Variants in FOLR2 observed in about 807,000 individuals in gnomAD.
The protein encoded by FOLR2 is folate receptor 2 (fetal).
FOLR2 carries 14 observed loss-of-function variants against 20.4 expected under a neutral mutation model. That is an observed-to-expected ratio of 0.68 (90% CI 0.45 to 1.07). FOLR2 has a LOEUF of 1.07. FOLR2 is among the 50% of genes least tolerant of loss of function. The probability of loss-of-function intolerance (pLI) is 0.00; values close to 1 mark genes in which losing one functional copy is unlikely to be tolerated. For synonymous variants in FOLR2, 114 were observed against 114.3 expected (o/e 1.00, Z 0.02); for missense variants, 269 against 322.6 (o/e 0.83, Z 1.27).
In FOLR2 at chr11:72,221,671, C is replaced by T. The variant is rs1203798584; in HGVS notation, c.677C>T (p.Ala226Val). 1 of 1,614,192 alleles carries T rather than the reference C, an allele frequency of 6.2e-7. No homozygotes were observed. Among genetic ancestry groups the T allele is most frequent in the Non-Finnish European group, 8.5e-7 (1 of 1,180,028 alleles). Residue 226 changes from alanine (A) to valine (V), a missense_variant, in exon 5 of 5, where the codon GCC becomes GTC. By Grantham distance (64) the Ala-to-Val change is moderately conservative. Coordinates refer to ENST00000298223, the MANE Select transcript of FOLR2 (RefSeq NM_000803.5). ...GAAGTGGCGAGGTTCTATGCTGCAGCCATGCATGTGAATGCTGGTGAGATG... is the reference window on the plus strand; with the variant it reads ...GAAGTGGCGAGGTTCTATGCTGCAGTCATGCATGTGAATGCTGGTGAGATG... ...NEEVARFYAAAMHVNAGEMLH... is the reference protein window; with the variant it reads ...NEEVARFYAAVMHVNAGEMLH...
chr11:72,219,378 A>G (rs1948446598), intron 2 of FOLR2, among the ~76,000 whole-genome samples: 1 of 152,132 alleles, frequency 6.6e-6, no homozygotes, highest in South Asian at 2.1e-4. Context: ...TCTCTTTTCT[A>G]TCCTGCAATG....
chr11:72,221,079 C>T, intron 3 of FOLR2, 21 bp downstream of exon 3: 1 of 1,116,422 alleles, frequency 9.0e-7, no homozygotes, highest in Non-Finnish European at 1.2e-6. Flanking sequence ...TCCCCCCCAC[C>T]CACCCCAGCA....
Position 72,221,618 on chromosome 11 carries a change from T to A in FOLR2, c.624T>A (p.Phe208Leu), listed in dbSNP as rs752408720. ...RGSGRCIQMW[F>L]DSAQGNPNEE... ...GCGGCCGCTGCATCCAGATGTGGTT[T>A]GATTCAGCCCAGGGCAACCCCAACG... is the stretch of plus-strand genomic sequence containing the variant. The change falls in exon 5 of 5, where the codon TTT (phenylalanine) becomes TTA (leucine). Residue 208 changes from phenylalanine (F) to leucine (L), a missense_variant. Phe to Leu is a conservative substitution (Grantham distance 22). Transcript: ENST00000298223. 1 of 1,614,188 alleles carries A rather than the reference T, an allele frequency of 6.2e-7. No individual in the cohort carries two copies. Among genetic ancestry groups the A allele is most frequent in the Non-Finnish European group, 8.5e-7 (1 of 1,180,028 alleles).
intron 4 of FOLR2, 37 bp from the exon 5 acceptor site, chr11:72,221,433 G>A (rs778338255): frequency 3.7e-6 from 6 of 1,603,876 alleles, no homozygotes; most frequent in Non-Finnish European, 5.1e-6. Flanking sequence ...TGGGCCCAGG[G>A]GCTGAAAGTC....
rs997062322 is a variant in FOLR2, at chr11:72,221,849, T to C, written c.*87T>C. The C allele has an allele frequency of 1.5e-6, 2 of 1,314,156 alleles. No individual in the cohort carries two copies. The highest frequency in any genetic ancestry group is 1.5e-5 in the African/African-American group (1 of 68,604). 81.4% of individuals were successfully genotyped at this position (1,314,156 alleles called of 1,614,324 possible). ...CCCACAAATGACAGCCCCTTAAGCA[T>C]GCTTCTATTAGTCACCTAACCCTCT... On this transcript the variant is annotated 3_prime_UTR_variant, in exon 5 of 5. Transcript: ENST00000298223.
In FOLR2 at chr11:72,221,574, A is replaced by G. The variant is rs1948495167; in HGVS notation, c.580A>G (p.Ser194Gly). The G allele has an allele frequency of 6.2e-7, 1 of 1,614,074 alleles. No individual in the cohort carries two copies. The highest frequency in any genetic ancestry group is 1.3e-5 in the African/African-American group (1 of 74,944). ...EGLWSHSYKV[S>G]NYSRGSGRCI... ...CCTCTGGAGTCACTCATACAAGGTC[A>G]GCAACTACAGCCGAGGGAGCGGCCG... Residue 194 changes from serine to glycine, a missense_variant, in exon 5 of 5, where the codon AGC becomes GGC. Transcript: ENST00000298223.
intron 1 of FOLR2, 111 bp downstream of exon 1, chr11:72,217,036 AT>A (rs1018794510): frequency 8.1e-7 from 1 of 1,235,828 alleles, no homozygotes; most frequent in Non-Finnish European, 1.1e-6. Flanking sequence ...ATTGTATTGT[AT>A]TTTTTGAGAC....
intron 2 of FOLR2, among the ~76,000 whole-genome samples, chr11:72,219,849 C>CTT (rs774060157): frequency 2.8e-4 from 40 of 140,588 alleles, no homozygotes; most frequent in Admixed American, 1.7e-3. Flanking sequence ...CTTTTGCTTA[C>CTT]TTTTTTTTTT....
intron 2 of FOLR2, among the ~76,000 whole-genome samples, 159 bp downstream of exon 2, chr11:72,218,893 A>T (rs1381842223): frequency 6.6e-6 from 1 of 152,088 alleles, no homozygotes; most frequent in Non-Finnish European, 1.5e-5. Flanking sequence ...GGCTGAGGTG[A>T]TTTTAGGGGG....
At chr11:72,218,060 C>T (rs554073736) in intron 1 of FOLR2, among the ~76,000 whole-genome samples, 2 of 152,318 alleles carry the variant, frequency 1.3e-5, no homozygotes, top group East Asian at 3.9e-4. Flanking sequence ...TGGGTTCTGT[C>T]ACTTGATCCT....
chr11:72,220,419 T>A (rs1231779948), intron 2 of FOLR2, among the ~76,000 whole-genome samples: 1 of 152,126 alleles, frequency 6.6e-6, no homozygotes. Context: ...TGACATACCA[T>A]ATATATATAT....
chr11:72,221,630 G>C lies in FOLR2; in HGVS notation c.636G>C (p.Gln212His). The C allele has an allele frequency of 6.2e-7, 1 of 1,614,192 alleles. No homozygotes were observed. Among genetic ancestry groups the C allele is most frequent in the South Asian group, 1.1e-5 (1 of 91,078 alleles). ...TCCAGATGTGGTTTGATTCAGCCCA[G>C]GGCAACCCCAACGAGGAAGTGGCGA... is the stretch of plus-strand genomic sequence containing the variant. The part of the protein sequence containing the change: ...RCIQMWFDSA[Q>H]GNPNEEVARF... Residue 212 changes from glutamine (Q) to histidine (H), a missense_variant, in exon 5 of 5, where the codon CAG becomes CAC. Gln to His is a conservative substitution (Grantham distance 24, BLOSUM62 0). Transcript: ENST00000298223.
Position 72,221,507 on chromosome 11 carries a change from C to T in FOLR2, c.513C>T (p.Thr171=). ...NKCPAGALCR[T]FESYFPTPAA... ...GCCCAGCTGGGGCTCTCTGCCGCAC[C>T]TTTGAGTCCTACTTCCCCACTCCAG... Residue 171 remains threonine, a synonymous_variant, in exon 5 of 5, where the codon ACC becomes ACT. Coordinates refer to ENST00000298223, the MANE Select transcript of FOLR2 (RefSeq NM_000803.5). The T allele has an allele frequency of 6.2e-7, 1 of 1,613,956 alleles. No homozygotes were observed. Among genetic ancestry groups the T allele is most frequent in the Middle Eastern group, 1.7e-4 (1 of 6,030 alleles).
rs751813033 is a variant in FOLR2, at chr11:72,220,976, T to C, written c.257T>C (p.Met86Thr). 1.2e-6 allele frequency: 2 copies of C among 1,613,834 alleles called. No homozygotes were observed. Among genetic ancestry groups the C allele is most frequent in the Admixed American group, 3.3e-5 (2 of 60,012 alleles). The part of the protein sequence containing the change: ...YNFNWDHCGK[M>T]EPACKRHFIQ... ...TTTAACTGGGACCACTGCGGCAAGA[T>C]GGAGCCCGCCTGCAAGCGCCACTTC... Residue 86 changes from methionine (M) to threonine (T), a missense_variant, in exon 3 of 5, where the codon ATG (methionine) becomes ACG (threonine). By Grantham distance (81) the Met-to-Thr change is moderately conservative. Transcript: ENST00000298223.
Position 72,221,451 on chromosome 11 carries a change from A to G in FOLR2, c.476-19A>G. On this transcript the variant is annotated intron_variant, in intron 4 of 4. Coordinates refer to ENST00000298223, the MANE Select transcript of FOLR2 (RefSeq NM_000803.5). The stretch of plus-strand genomic sequence containing the variant: ...GCCCAGGGGCTGAAAGTCTGTGTCC[A>G]CCATGCCTCTCCCTGCAGGAGTTAA... The G allele has an allele frequency of 6.2e-7, 1 of 1,610,470 alleles. No homozygotes were observed. Among genetic ancestry groups the G allele is most frequent in the Non-Finnish European group, 8.5e-7 (1 of 1,177,544 alleles).
intron 4 of FOLR2, 77 bp downstream of exon 4, chr11:72,221,388 G>A (rs1948490651): frequency 1.3e-6 from 2 of 1,597,516 alleles, no homozygotes; most frequent in African/African-American, 1.3e-5. Context: ...TTTGGGGTGG[G>A]GTGAAGATTT....
At chr11:72,217,113 C>A (rs1016832716) in intron 1 of FOLR2, among the ~76,000 whole-genome samples, 188 bp downstream of exon 1, 2 of 152,196 alleles carry the variant, frequency 1.3e-5, no homozygotes, top group Admixed American at 1.3e-4. Context: ...CAACCTCTGC[C>A]TCCTGGGTTC....
chr11:72,216,975 G>C (rs747632165), intron 1 of FOLR2, 50 bp downstream of exon 1: 2 of 1,580,020 alleles, frequency 1.3e-6, no homozygotes, highest in African/African-American at 1.3e-5. Flanking sequence ...GGGAGACTTG[G>C]AGAGTTTGTG....
intron 2 of FOLR2, 49 bp from the exon 3 acceptor site, chr11:72,220,818 CAGG>C (rs1948471867): frequency 2.5e-6 from 4 of 1,606,832 alleles, no homozygotes; most frequent in South Asian, 1.1e-5. Context: ...CACGAGGTGG[CAGG>C]AGGAGGAGGG....
Sources: allele counts gnomAD v4.1 joint callset (sites outside exome capture counted in the v4.1 genomes callset), GRCh38; gene constraint gnomAD v4.1.1; transcripts MANE v1.5; gene names NCBI Gene and HGNC (gene_info 2026-07-23, HGNC 2026-07-21).